The following VRK3 variants were observed in gnomAD, a reference collection of about 807,000 sequenced individuals.
VRK3 encodes VRK serine/threonine kinase 3.
Under a neutral mutation model 60.4 loss-of-function variants are expected in VRK3, and 50 were observed. The observed-to-expected ratio is 0.83, with a 90% confidence interval of 0.66 to 1.05. The LOEUF (loss-of-function observed/expected upper bound fraction) is 1.05, where lower values mean the gene tolerates loss of function less well. VRK3 is among the 50% of genes least tolerant of loss of function. VRK3 has a pLI of 0.00. For missense variants in VRK3, 549 were observed against 585.3 expected (o/e 0.94, Z 0.64); for synonymous variants, 246 against 227.8 (o/e 1.08, Z -0.72).
At chr19:50,017,720 G>A (rs1307782528) in intron 2 of VRK3, among the ~76,000 whole-genome samples, 1 of 152,054 alleles carries the variant, frequency 6.6e-6, no homozygotes, top group Non-Finnish European at 1.5e-5. Flanking sequence ...CACCAGGGAG[G>A]AATGCAGTGG....
At chr19:49,980,743 T>G (rs1196112355) in intron 13 of VRK3, among the ~76,000 whole-genome samples, 1 of 151,310 alleles carries the variant, frequency 6.6e-6, no homozygotes, top group Non-Finnish European at 1.5e-5. Context: ...AATTACCCTG[T>G]CTTCAAAAAA....
At chr19:50,023,442 A>G (rs895991651) in intron 1 of VRK3, among the ~76,000 whole-genome samples, 1 of 152,174 alleles carries the variant, frequency 6.6e-6, no homozygotes, top group Admixed American at 6.5e-5. Context: ...CAGCCTCCCA[A>G]AGTCCTGGGA....
chr19:50,007,596 T>C lies in VRK3; in HGVS notation c.520A>G (p.Arg174Gly), dbSNP rs764071590. ...RQWKLKSFQT[R>G]DNQGILYEAA... ...TCATAGAGAATGCCCTGGTTGTCCC[T>C]GGTCTGGAAGGACTTCAGCTTCCAC... The change falls in exon 5 of 15, where the codon AGG (arginine) becomes GGG (glycine). Residue 174 changes from arginine (R) to glycine (G), a missense_variant. Arg to Gly is a moderately radical substitution (Grantham distance 125, BLOSUM62 -2). Transcript: ENST00000316763. 25 of 1,614,252 alleles carry C rather than the reference T, an allele frequency of 1.5e-5. No homozygotes were observed. The Admixed American group carries it at 4.2e-4, about 27-fold the overall frequency.
At chr19:49,980,909 G>A in intron 13 of VRK3, 46 bp downstream of exon 13, 1 of 1,570,394 alleles carries the variant, frequency 6.4e-7, no homozygotes, top group East Asian at 2.3e-5. Flanking sequence ...TGAGCCACCA[G>A]GTCCTGCCCG....
intron 11 of VRK3, 55 bp downstream of exon 11, chr19:49,989,584 G>T (rs2076574533): frequency 1.3e-6 from 2 of 1,559,790 alleles, no homozygotes; most frequent in Non-Finnish European, 1.7e-6. Flanking sequence ...TCCTAGAGCT[G>T]CCCTTGTATA....
intron 3 of VRK3, among the ~76,000 whole-genome samples, chr19:50,010,059 T>TATAC (rs143020431): frequency 7.9e-5 from 12 of 151,102 alleles, no homozygotes; most frequent in South Asian, 4.2e-4. Flanking sequence ...TATATATATA[T>TATAC]ACACACACAC....
chr19:50,008,697 T>G (rs2076943539), intron 4 of VRK3: 1 of 153,510 alleles, frequency 6.5e-6, no homozygotes, highest in Non-Finnish European at 1.4e-5. Flanking sequence ...CAATGAAGGC[T>G]GCAGCAGGCA....
At chr19:49,980,925 C>T in intron 13 of VRK3, 30 bp downstream of exon 13, 2 of 1,597,526 alleles carry the variant, frequency 1.3e-6, no homozygotes, top group Non-Finnish European at 1.7e-6. Flanking sequence ...GCCCGAGTCC[C>T]CGCCTGTTCC....
chr19:49,981,837 G>A, intron 12 of VRK3: 1 of 1,193,468 alleles, frequency 8.4e-7, no homozygotes, highest in Non-Finnish European at 1.0e-6. Flanking sequence ...GGAGCTCGTG[G>A]CTGTGAGGGG....
intron 5 of VRK3, among the ~76,000 whole-genome samples, chr19:50,004,063 G>A (rs1293148871): frequency 1.3e-5 from 2 of 152,224 alleles, no homozygotes; most frequent in Non-Finnish European, 2.9e-5. Context: ...TAAAGGGACT[G>A]CTGAAGGAAT....
intron 12 of VRK3, chr19:49,987,751 G>A (rs1347436755): frequency 7.0e-6 from 1 of 142,050 alleles, no homozygotes; most frequent in African/African-American, 2.7e-5. Context: ...CGCCCAGGCT[G>A]GAGTGCAGTG....
chr19:49,992,829 T>A (rs906824777), intron 10 of VRK3, 31 bp downstream of exon 10: 14 of 1,601,072 alleles, frequency 8.7e-6, no homozygotes, highest in Non-Finnish European at 1.2e-5. Flanking sequence ...AGCCCAGAGA[T>A]CTTCCAGAGT....
chr19:50,016,530 G>A (rs2077082027), intron 2 of VRK3, among the ~76,000 whole-genome samples: 1 of 152,148 alleles, frequency 6.6e-6, no homozygotes, highest in African/African-American at 2.4e-5. Context: ...GCTCCCAACT[G>A]ACATAGCAAG....
At chr19:49,996,908 C>T (rs757278400) in intron 7 of VRK3, 3 of 152,264 alleles carry the variant, frequency 2.0e-5, no homozygotes, top group Admixed American at 6.5e-5. Flanking sequence ...TGAGCCACCA[C>T]GCCTGGCCTA....
At chr19:50,004,345 T>C (rs1029278412) in intron 5 of VRK3, among the ~76,000 whole-genome samples, 1 of 151,968 alleles carries the variant, frequency 6.6e-6, no homozygotes, top group Non-Finnish European at 1.5e-5. Context: ...GTTTTCATCC[T>C]TCTCCCTTTC....
At position 49,988,485 on chromosome 19, in the gene VRK3, G is replaced by C; in HGVS notation, c.1104C>G (p.Ser368=). The C allele has an allele frequency of 1.2e-6, 2 of 1,613,000 alleles. No individual in the cohort carries two copies. Among genetic ancestry groups the C allele is most frequent in the Non-Finnish European group, 1.7e-6 (2 of 1,179,458 alleles). Residue 368 remains serine, a synonymous_variant, in exon 12 of 15, where the codon TCC becomes TCG. Coordinates refer to ENST00000316763, the MANE Select transcript of VRK3 (RefSeq NM_016440.4). The part of the protein sequence containing the change: ...SMDLHKGCGP[S]RRSDLQSLGY... ...CCAGGCTCTGGAGGTCGCTGCGGCG[G>C]GAGGGCCCTGGGGAAGGAGGAGTAA...
At chr19:50,015,258 T>G (rs1306484657) in intron 3 of VRK3, among the ~76,000 whole-genome samples, 1 of 151,944 alleles carries the variant, frequency 6.6e-6, no homozygotes, top group Non-Finnish European at 1.5e-5. Context: ...AATCTGAAAC[T>G]TTGAGTGTCA....
chr19:50,000,416 G>A (rs1203022179), intron 6 of VRK3: 3 of 280,860 alleles, frequency 1.1e-5, no homozygotes, highest in Admixed American at 9.9e-5. Context: ...ACCCAGCACG[G>A]TGATACACAG....
At chr19:50,001,031 T>C in intron 5 of VRK3, 177 bp from the exon 6 acceptor site, 1 of 599,634 alleles carries the variant, frequency 1.7e-6, no homozygotes, top group South Asian at 2.0e-5. Flanking sequence ...CTTCTTCCTC[T>C]TTCTCTCTGT....
Sources: gnomAD v4.1 joint callset for allele counts (sites outside exome capture counted in the v4.1 genomes callset) on GRCh38, gnomAD v4.1.1 for gene constraint, MANE v1.5 for transcripts, NCBI Gene and HGNC (gene_info 2026-07-23, HGNC 2026-07-21) for gene names.